RBFOX1: variants seen among roughly 807,000 people sequenced by gnomAD.
RBFOX1 encodes RNA binding fox-1 homolog 1, also known as RNA binding protein fox-1 homolog 1.
In RBFOX1, 8 loss-of-function variants were observed where a neutral mutation model predicts 57.7. The ratio of observed to expected loss-of-function variants is 0.14; its 90% CI spans 0.08 to 0.25. RBFOX1 has a LOEUF of 0.25. RBFOX1 is among the 10% of genes least tolerant of loss of function. The pLI is 1.00. For synonymous variants in RBFOX1, 326 were observed against 222.4 expected (o/e 1.47, Z -4.15); for missense variants, 611 against 548.5 (o/e 1.11, Z -1.14).
intron 3 of RBFOX1, among the ~76,000 whole-genome samples, chr16:6,973,756 A>G (rs2086129613): frequency 1.3e-5 from 2 of 152,184 alleles, no homozygotes; most frequent in Admixed American, 6.5e-5. Context: ...GCACTGTGTT[A>G]CCCATTAACC....
intron 1 of RBFOX1, among the ~76,000 whole-genome samples, chr16:5,249,629 C>A (rs766156651): frequency 1.3e-5 from 2 of 152,156 alleles, no homozygotes; most frequent in African/African-American, 2.4e-5. Flanking sequence ...AGTTTTTGTT[C>A]TGCTTATTAA....
intron 1 of RBFOX1, among the ~76,000 whole-genome samples, chr16:5,304,798 C>T (rs1192105845): frequency 6.6e-6 from 1 of 151,780 alleles, no homozygotes; most frequent in African/African-American, 2.4e-5. Context: ...TGAGCTGAGA[C>T]CTCGAGGACT....
At chr16:6,861,637 C>T (rs1459222537) in intron 3 of RBFOX1, among the ~76,000 whole-genome samples, 1 of 151,912 alleles carries the variant, frequency 6.6e-6, no homozygotes, top group Non-Finnish European at 1.5e-5. Context: ...CTTTATGTTG[C>T]AATATTACAG....
At chr16:5,692,058 C>CTTCCCAGTCATT (rs2050697944) in intron 3 of RBFOX1, among the ~76,000 whole-genome samples, 1 of 151,816 alleles carries the variant, frequency 6.6e-6, no homozygotes, top group Non-Finnish European at 1.5e-5. Context: ...CCCCAAATGA[C>CTTCCCAGTCATT]TGGGAAAGTG....
intron 14 of RBFOX1, among the ~76,000 whole-genome samples, chr16:7,708,661 G>C (rs2083283918): frequency 6.6e-6 from 1 of 152,116 alleles, no homozygotes; most frequent in Non-Finnish European, 1.5e-5. Flanking sequence ...GCTGAATCAG[G>C]AGAAAAAGGC....
intron 14 of RBFOX1, among the ~76,000 whole-genome samples, chr16:7,677,599 T>C (rs1467876224): frequency 6.6e-6 from 1 of 152,136 alleles, no homozygotes; most frequent in Non-Finnish European, 1.5e-5. Flanking sequence ...GTAGCTACTT[T>C]TGTATGGTTG....
At chr16:6,065,027 C>CT (rs893364785) in intron 1 of RBFOX1, among the ~76,000 whole-genome samples, 5 of 149,528 alleles carry the variant, frequency 3.3e-5, no homozygotes, top group Admixed American at 6.7e-5. Flanking sequence ...TTCTTTCTTT[C>CT]TTTTTTTTTC....
At chr16:5,573,793 A>G (rs2046363026) in intron 2 of RBFOX1, among the ~76,000 whole-genome samples, 1 of 152,032 alleles carries the variant, frequency 6.6e-6, no homozygotes. Flanking sequence ...AAGATATCAT[A>G]TCTACAAAAA....
At chr16:7,083,290 G>A (rs984407894) in intron 4 of RBFOX1, among the ~76,000 whole-genome samples, 1 of 151,862 alleles carries the variant, frequency 6.6e-6, no homozygotes, top group African/African-American at 2.4e-5. Flanking sequence ...GCTGTCTCCT[G>A]CTTGTGTCAC....
At chr16:7,088,083 TAAGCTGC>T (rs1218229108) in intron 4 of RBFOX1, among the ~76,000 whole-genome samples, 1 of 152,178 alleles carries the variant, frequency 6.6e-6, no homozygotes, top group Non-Finnish European at 1.5e-5. Context: ...TCATTAGCAT[TAAGCTGC>T]AATTTTATTT....
At chr16:6,397,867 A>T (rs752488835) in intron 2 of RBFOX1, among the ~76,000 whole-genome samples, 2 of 152,228 alleles carry the variant, frequency 1.3e-5, no homozygotes, top group South Asian at 2.1e-4. Flanking sequence ...TAAAAATATT[A>T]CAAAAGTGTA....
Position 7,135,122 on chromosome 16 carries a change from C to T in RBFOX1, c.27+83024C>T, listed in dbSNP as rs563438758. Among the ~76,000 whole-genome samples the T allele has an allele frequency of 6.6e-5, 10 of 152,162 alleles. No individual in the cohort carries two copies. In the South Asian group the frequency reaches 1.2e-3, roughly 19 times the overall value. Reference sequence around the variant, plus strand: ...TCCTGAGGCTGTTTTTATGTCTGTTCTGTATGTTAGAAAAGGAATTTCTGA... The same window carrying T: ...TCCTGAGGCTGTTTTTATGTCTGTTTTGTATGTTAGAAAAGGAATTTCTGA... On this transcript the variant is annotated intron_variant, in intron 4 of 15. Coordinates refer to ENST00000550418, the MANE Select transcript of RBFOX1 (RefSeq NM_018723.4).
chr16:7,201,131 T>C (rs995963426), intron 4 of RBFOX1, among the ~76,000 whole-genome samples: 4 of 152,122 alleles, frequency 2.6e-5, no homozygotes, highest in African/African-American at 9.7e-5. Flanking sequence ...AGCTGGAAGA[T>C]ATGAGAGAGA....
At chr16:6,703,300 AG>A (rs145716912) in intron 3 of RBFOX1, among the ~76,000 whole-genome samples, 22,777 of 152,030 alleles carry the variant, frequency 0.15, 1,980 homozygotes, top group Middle Eastern at 0.22. Flanking sequence ...AGTGGCTGGG[AG>A]TGGTAGCTTA....
chr16:7,410,519 T>G (rs1349997961), intron 4 of RBFOX1, among the ~76,000 whole-genome samples: 4 of 152,100 alleles, frequency 2.6e-5, no homozygotes, highest in African/African-American at 4.8e-5. Context: ...CGGTCTCTAC[T>G]AAAAATACAA....
chr16:5,875,929 C>T (rs990019600), intron 4 of RBFOX1, among the ~76,000 whole-genome samples: 3 of 151,742 alleles, frequency 2.0e-5, no homozygotes, highest in South Asian at 4.2e-4. Flanking sequence ...CTGCAAGCCC[C>T]GCCTCCCAGC....
intron 4 of RBFOX1, among the ~76,000 whole-genome samples, chr16:7,516,449 A>T (rs2076372053): frequency 6.6e-6 from 1 of 152,182 alleles, no homozygotes; most frequent in Non-Finnish European, 1.5e-5. Flanking sequence ...CTGTCCCCCA[A>T]AAGGAAACTG....
intron 3 of RBFOX1, chr16:6,705,297 G>C (rs950123577): frequency 6.6e-6 from 1 of 150,836 alleles, no homozygotes; most frequent in Non-Finnish European, 1.5e-5. Flanking sequence ...CACTGTTTGA[G>C]TGGGAGGTTA....
chr16:5,418,383 C>T (rs1009277548), intron 1 of RBFOX1, among the ~76,000 whole-genome samples: 1 of 151,742 alleles, frequency 6.6e-6, no homozygotes, highest in Non-Finnish European at 1.5e-5. Flanking sequence ...AGGGGAAATA[C>T]GGAGGACCGG....
Sources: gnomAD v4.1 joint callset for allele counts (sites outside exome capture counted in the v4.1 genomes callset) on GRCh38, gnomAD v4.1.1 for gene constraint, MANE v1.5 for transcripts, NCBI Gene and HGNC (gene_info 2026-07-23, HGNC 2026-07-21) for gene names.